Variants in HACD4 observed in about 807,000 individuals in gnomAD.
The protein encoded by HACD4 is 3-hydroxyacyl-CoA dehydratase 4.
In HACD4, 35 loss-of-function variants were observed where a neutral mutation model predicts 33.3. The observed-to-expected ratio is 1.05, with a 90% CI of 0.80 to 1.39. HACD4 has a LOEUF of 1.39. Among genes scored for constraint, HACD4 ranks in the 40% most tolerant of loss-of-function variants. HACD4 has a pLI of 0.00. For synonymous variants in HACD4, 118 were observed against 98.0 expected (o/e 1.20, Z -1.21); for missense variants, 323 against 276.5 (o/e 1.17, Z -1.19).
At chr9:21,020,057 G>A (rs1817868588) in intron 3 of HACD4, among the ~76,000 whole-genome samples, 1 of 152,058 alleles carries the variant, frequency 6.6e-6, no homozygotes, top group Non-Finnish European at 1.5e-5. Context: ...TGCTTGCCCT[G>A]ATCAGAAATA....
intron 4 of HACD4, among the ~76,000 whole-genome samples, 187 bp from the exon 5 acceptor site, chr9:21,011,882 CAT>C (rs1337293001): frequency 6.6e-6 from 1 of 152,216 alleles, no homozygotes; most frequent in African/African-American, 2.4e-5. Context: ...TGGCTTGTCT[CAT>C]GTGGTAGATC....
intron 3 of HACD4, among the ~76,000 whole-genome samples, chr9:21,026,379 T>G (rs1030397730): frequency 1.3e-5 from 2 of 152,260 alleles, no homozygotes; most frequent in Non-Finnish European, 2.9e-5. Flanking sequence ...AATGCAGTGC[T>G]GCAAGATCAG....
At chr9:21,010,365 T>G (rs2132770000) in intron 5 of HACD4, among the ~76,000 whole-genome samples, 1 of 150,716 alleles carries the variant, frequency 6.6e-6, no homozygotes, top group East Asian at 1.9e-4. Flanking sequence ...AGCCTACTCA[T>G]ACTCAATAAT....
At chr9:21,019,067 C>A (rs1429420948) in intron 3 of HACD4, among the ~76,000 whole-genome samples, 1 of 152,042 alleles carries the variant, frequency 6.6e-6, no homozygotes, top group African/African-American at 2.4e-5. Context: ...TCTATATATT[C>A]AAAAACTACC....
chr9:21,016,728 G>A (rs1018825225), intron 3 of HACD4, among the ~76,000 whole-genome samples: 4 of 151,582 alleles, frequency 2.6e-5, no homozygotes, highest in Non-Finnish European at 5.9e-5. Context: ...GTTGTGAAGG[G>A]TTTTGAAAGA....
At chr9:21,021,100 T>G (rs1386740154) in intron 3 of HACD4, among the ~76,000 whole-genome samples, 1 of 152,066 alleles carries the variant, frequency 6.6e-6, no homozygotes, top group Non-Finnish European at 1.5e-5. Flanking sequence ...ACGTAATCCA[T>G]CATATAAACA....
Position 21,008,005 on chromosome 9 carries a change from C to A in HACD4, c.616+16G>T. The A allele has an allele frequency of 1.9e-6, 3 of 1,570,668 alleles. No homozygotes were observed. Among genetic ancestry groups the A allele is most frequent in the Non-Finnish European group, 2.6e-6 (3 of 1,161,596 alleles). On this transcript the variant is annotated intron_variant, in intron 6 of 6. Transcript: ENST00000495827. ...TACAGGAAAAATGCAAAAACAAGAC[C>A]AAAAAAGCCACTTACCTATAAAGAG...
chr9:21,016,215 A>G (rs1842552184), intron 3 of HACD4, among the ~76,000 whole-genome samples: 1 of 152,322 alleles, frequency 6.6e-6, no homozygotes, highest in Non-Finnish European at 1.5e-5. Flanking sequence ...CAAATAATAT[A>G]TAATGAATGA....
At chr9:21,026,571 A>G (rs1188390258) in intron 3 of HACD4, 25 bp downstream of exon 3, 1 of 1,578,070 alleles carries the variant, frequency 6.3e-7, no homozygotes, top group South Asian at 1.2e-5. Context: ...AACAGATTCT[A>G]TAATAATATG....
chr9:21,020,997 G>A (rs1001710355), intron 3 of HACD4, among the ~76,000 whole-genome samples: 4 of 152,138 alleles, frequency 2.6e-5, no homozygotes, highest in African/African-American at 2.4e-5. Context: ...AGGGCAAACC[G>A]AGTCCAGCAG....
chr9:21,031,471 C>G, intron 1 of HACD4, 82 bp downstream of exon 1: 2 of 1,363,104 alleles, frequency 1.5e-6, no homozygotes, highest in Middle Eastern at 5.4e-4. Context: ...GTGCCGCCCG[C>G]CCGCCCGCCG....
intron 1 of HACD4, among the ~76,000 whole-genome samples, chr9:21,030,652 C>A (rs1818187979): frequency 6.6e-6 from 1 of 152,166 alleles, no homozygotes. Context: ...CTTTTGAACA[C>A]ATTATGTGAT....
chr9:21,030,305 A>G (rs965052263), intron 1 of HACD4, among the ~76,000 whole-genome samples: 2 of 150,622 alleles, frequency 1.3e-5, no homozygotes, highest in African/African-American at 2.4e-5. Flanking sequence ...GTGGTAACGT[A>G]TGCCTGTAAT....
At chr9:21,007,500 A>G (rs139156946) in intron 6 of HACD4, among the ~76,000 whole-genome samples, 21 of 152,320 alleles carry the variant, frequency 1.4e-4, no homozygotes, top group Non-Finnish European at 2.5e-4. Context: ...AAAATTTAAT[A>G]GTGAAAGTTT....
At position 21,015,885 on chromosome 9, in the gene HACD4, T is replaced by C; in HGVS notation, c.383+13A>G. 1 of 1,543,864 alleles carries C rather than the reference T, an allele frequency of 6.5e-7. No homozygotes were observed. Among genetic ancestry groups the C allele is most frequent in the Non-Finnish European group, 9.0e-7 (1 of 1,116,990 alleles). On this transcript the variant is annotated intron_variant, in intron 4 of 6. Coordinates refer to ENST00000495827, the MANE Select transcript of HACD4 (RefSeq NM_001010915.5). ...ATTTAGCCTTGTTTTAAGAGATTAT[T>C]TTGCCTTCTTACCTAACCATATCCA...
intron 5 of HACD4, among the ~76,000 whole-genome samples, chr9:21,010,251 T>C (rs556849118): frequency 3.7e-4 from 57 of 152,296 alleles, no homozygotes; most frequent in Non-Finnish European, 6.2e-4. Context: ...ACCAAATCCA[T>C]TGCAGAAGAA....
At position 20,999,958 on chromosome 9, in the gene HACD4, A is replaced by G. The variant is rs1842141828; in HGVS notation, c.*7079T>C. 1 of 152,198 alleles carries G rather than the reference A, an allele frequency of 6.6e-6. No individual in the cohort carries two copies. The highest frequency in any genetic ancestry group is 2.1e-4 in the South Asian group (1 of 4,832). 9.4% of individuals were successfully genotyped at this position (152,198 alleles called of 1,614,324 possible). ...AAGTTTAATTTACCATATGTCATTTAGTCTTCATAATAACTTTAAGTGGTT... is the reference window on the plus strand; with the variant it reads ...AAGTTTAATTTACCATATGTCATTTGGTCTTCATAATAACTTTAAGTGGTT... On this transcript the variant is annotated 3_prime_UTR_variant, in exon 7 of 7. Coordinates refer to ENST00000495827, the MANE Select transcript of HACD4 (RefSeq NM_001010915.5).
chr9:21,015,939 C>G lies in HACD4; in HGVS notation c.342G>C (p.Val114=). 6.2e-7 allele frequency: 1 copy of G among 1,613,128 alleles called. No homozygotes were observed. Among genetic ancestry groups the G allele is most frequent in the Admixed American group, 1.7e-5 (1 of 60,006 alleles). ...SQEEVQEKYV[V]CVLFVFWNLL... ...GATTCCAAAAGACGAATAAAACACA[C>G]ACCACATATTTCTCTTGGACTTCCT... Residue 114 remains valine (V), a synonymous_variant, in exon 4 of 7, where the codon GTG becomes GTC. Transcript: ENST00000495827.
chr9:21,019,613 A>C (rs1817852547), intron 3 of HACD4, among the ~76,000 whole-genome samples: 1 of 152,134 alleles, frequency 6.6e-6, no homozygotes, highest in Admixed American at 6.5e-5. Context: ...TAAAAAATTC[A>C]ATCTCAACAT....
Sources: gnomAD v4.1 joint callset for allele counts (sites outside exome capture counted in the v4.1 genomes callset) on GRCh38, gnomAD v4.1.1 for gene constraint, MANE v1.5 for transcripts, NCBI Gene and HGNC (gene_info 2026-07-23, HGNC 2026-07-21) for gene names.